The following TTC17 variants were observed in gnomAD, a reference collection of about 807,000 sequenced individuals.
TTC17 encodes tetratricopeptide repeat domain 17.
In TTC17, 58 loss-of-function variants were observed where a neutral mutation model predicts 143.8. That is an observed-to-expected ratio of 0.40 (90% CI 0.33 to 0.50). TTC17 has a LOEUF of 0.50. TTC17 is among the 20% of genes least tolerant of loss of function. The pLI is 0.49. For synonymous variants in TTC17, 501 were observed against 497.8 expected (o/e 1.01, Z -0.09); for missense variants, 1,273 against 1,392.5 (o/e 0.91, Z 1.37).
In TTC17 at chr11:43,407,494, T is replaced by A. The variant is rs1289702976; in HGVS notation, c.1981T>A (p.Leu661Met). ...ATACCAAGATGTTCCTCTTGTCAAC[T>A]TGGCCAACCTTTTGATTCATTACGG... is the stretch of plus-strand genomic sequence containing the variant. ...LQYQDVPLVN[L>M]ANLLIHYGLH... is the part of the protein sequence containing the mutation. Residue 661 changes from leucine (L) to methionine (M), a missense_variant, in exon 15 of 24, where the codon TTG (leucine) becomes ATG (methionine). Leu to Met is a conservative substitution (Grantham distance 15). This residue lies in a region of TTC17 where 878 missense variants were observed against 899.8 expected (regional missense o/e 0.98). Coordinates refer to ENST00000039989, the MANE Select transcript of TTC17 (RefSeq NM_018259.6). 1 of 1,614,094 alleles carries A rather than the reference T, an allele frequency of 6.2e-7. No homozygotes were observed. Among genetic ancestry groups the A allele is most frequent in the East Asian group, 2.2e-5 (1 of 44,862 alleles).
At chr11:43,455,328 G>A (rs945271372) in intron 21 of TTC17, among the ~76,000 whole-genome samples, 8 of 151,410 alleles carry the variant, frequency 5.3e-5, no homozygotes, top group Non-Finnish European at 1.2e-4. Flanking sequence ...CCCAAAACCA[G>A]GATGAAAAAA....
At chr11:43,438,291 G>C (rs922988792) in intron 16 of TTC17, among the ~76,000 whole-genome samples, 1 of 152,146 alleles carries the variant, frequency 6.6e-6, no homozygotes, top group Non-Finnish European at 1.5e-5. Context: ...CCAAGTAACT[G>C]GGATTACAGG....
chr11:43,454,504 G>A (rs910000004), intron 21 of TTC17, among the ~76,000 whole-genome samples: 2 of 152,024 alleles, frequency 1.3e-5, no homozygotes, highest in African/African-American at 4.8e-5. Context: ...AATTGCAAAT[G>A]TTCTTACCTT....
chr11:43,407,697 C>A, intron 15 of TTC17, 120 bp downstream of exon 15: 1 of 925,718 alleles, frequency 1.1e-6, no homozygotes, highest in Non-Finnish European at 1.6e-6. Context: ...TTCACAGTAG[C>A]GTTTGCATTA....
chr11:43,406,963 G>A (rs1858168463), intron 13 of TTC17, among the ~76,000 whole-genome samples, 175 bp from the exon 14 acceptor site: 1 of 152,170 alleles, frequency 6.6e-6, no homozygotes, highest in Admixed American at 6.5e-5. Context: ...ATACATGTGA[G>A]CAGGTCAACA....
At chr11:43,366,823 A>G (rs914099437) in intron 1 of TTC17, among the ~76,000 whole-genome samples, 7 of 152,098 alleles carry the variant, frequency 4.6e-5, no homozygotes, top group African/African-American at 1.7e-4. Flanking sequence ...ACACACAGCC[A>G]TACTGACTTA....
At chr11:43,372,483 T>A (rs1009238904) in intron 1 of TTC17, among the ~76,000 whole-genome samples, 9 of 83,514 alleles carry the variant, frequency 1.1e-4, no homozygotes, top group Non-Finnish European at 1.8e-4. Flanking sequence ...ATTTTTATTT[T>A]TTATTTATTT....
At chr11:43,476,568 A>C (rs1793066565) in intron 21 of TTC17, among the ~76,000 whole-genome samples, 1 of 152,218 alleles carries the variant, frequency 6.6e-6, no homozygotes, top group South Asian at 2.1e-4. Context: ...GTGCACCCAC[A>C]GGCTCAACAC....
intron 16 of TTC17, among the ~76,000 whole-genome samples, 156 bp from the exon 17 acceptor site, chr11:43,443,169 A>G (rs1020352482): frequency 6.6e-6 from 1 of 152,190 alleles, no homozygotes; most frequent in Non-Finnish European, 1.5e-5. Flanking sequence ...TTTATTATGT[A>G]TTTTGAAGAT....
chr11:43,446,630 T>C, intron 18 of TTC17: 1 of 980,456 alleles, frequency 1.0e-6, no homozygotes, highest in Non-Finnish European at 1.2e-6. Flanking sequence ...CTTTCTGTTT[T>C]GTTAAAATCT....
At chr11:43,419,230 T>A (rs1161714781) in intron 16 of TTC17, among the ~76,000 whole-genome samples, 2 of 152,228 alleles carry the variant, frequency 1.3e-5, no homozygotes, top group African/African-American at 4.8e-5. Context: ...TAGGTGTTCC[T>A]GTAATTGTCT....
At chr11:43,408,612 G>T (rs1858254005) in intron 15 of TTC17, among the ~76,000 whole-genome samples, 1 of 152,046 alleles carries the variant, frequency 6.6e-6, no homozygotes. Context: ...GAAGAAAAAA[G>T]ACCTCCTTTA....
chr11:43,391,331 C>A, intron 3 of TTC17, 134 bp from the exon 4 acceptor site: 1 of 611,326 alleles, frequency 1.6e-6, no homozygotes, highest in Non-Finnish European at 2.9e-6. Context: ...ACTAGGAGAT[C>A]AAGGCTGCAG....
chr11:43,360,892 T>C (rs925388981), intron 1 of TTC17, among the ~76,000 whole-genome samples: 4 of 152,166 alleles, frequency 2.6e-5, no homozygotes, highest in Non-Finnish European at 4.4e-5. Flanking sequence ...AAAAGCAAGA[T>C]TTCTCTATTA....
intron 21 of TTC17, among the ~76,000 whole-genome samples, chr11:43,473,937 T>C (rs1948137926): frequency 1.3e-5 from 2 of 151,250 alleles, no homozygotes; most frequent in Admixed American, 1.3e-4. Flanking sequence ...GGGAAGAAAC[T>C]GACTATATCT....
chr11:43,380,615 G>A (rs1033929501), intron 2 of TTC17, among the ~76,000 whole-genome samples: 3 of 152,134 alleles, frequency 2.0e-5, no homozygotes, highest in South Asian at 2.1e-4. Context: ...TAAAAGTCCC[G>A]AATTTCATTT....
intron 5 of TTC17, among the ~76,000 whole-genome samples, chr11:43,393,995 G>C (rs1565142264): frequency 6.6e-6 from 1 of 152,182 alleles, no homozygotes; most frequent in Non-Finnish European, 1.5e-5. Flanking sequence ...TGAAGACAGA[G>C]AGAGATCTGT....
chr11:43,366,020 C>T (rs1303371818), intron 1 of TTC17, among the ~76,000 whole-genome samples: 2 of 148,876 alleles, frequency 1.3e-5, no homozygotes, highest in Non-Finnish European at 3.0e-5. Flanking sequence ...CTTGCTCTGT[C>T]GCCAGGCTGT....
chr11:43,408,724 G>A (rs1007379860), intron 15 of TTC17, among the ~76,000 whole-genome samples: 1 of 152,206 alleles, frequency 6.6e-6, no homozygotes, highest in Middle Eastern at 3.4e-3. Flanking sequence ...ATGGATCAGG[G>A]TGGGTACCCC....
Sources: gnomAD v4.1 joint callset for allele counts (sites outside exome capture counted in the v4.1 genomes callset) on GRCh38, gnomAD v4.1.1 for gene constraint, gnomAD v4.1.1 regional missense constraint, MANE v1.5 for transcripts, NCBI Gene and HGNC (gene_info 2026-07-23, HGNC 2026-07-21) for gene names.